The following MCC variants were observed in gnomAD, a reference collection of about 807,000 sequenced individuals.
MCC encodes the protein colorectal mutant cancer protein.
MCC carries 90 observed loss-of-function variants against 116.2 expected under a neutral mutation model. That is an observed-to-expected ratio of 0.77 (90% CI 0.65 to 0.92). The LOEUF (loss-of-function observed/expected upper bound fraction) is 0.92, where lower values mean the gene tolerates loss of function less well. MCC is among the 40% of genes least tolerant of loss of function. The probability of loss-of-function intolerance (pLI) is 0.00; values close to 1 mark genes in which losing one functional copy is unlikely to be tolerated. For synonymous variants in MCC, 578 were observed against 510.5 expected (o/e 1.13, Z -1.78); for missense variants, 1,516 against 1,312.2 (o/e 1.16, Z -2.40).
At chr5:113,125,628 G>T (rs1472239549) in intron 5 of MCC, among the ~76,000 whole-genome samples, 1 of 152,214 alleles carries the variant, frequency 6.6e-6, no homozygotes, top group Non-Finnish European at 1.5e-5. Flanking sequence ...CTCGATTTAT[G>T]ATTGCAGTAT....
intron 2 of MCC, among the ~76,000 whole-genome samples, chr5:113,369,626 T>A (rs1768790396): frequency 6.6e-6 from 1 of 152,216 alleles, no homozygotes; most frequent in Non-Finnish European, 1.5e-5. Context: ...TGTTTGTTGC[T>A]CTTTGGTTGT....
chr5:113,386,083 T>C (rs948725982), intron 1 of MCC, among the ~76,000 whole-genome samples: 3 of 152,216 alleles, frequency 2.0e-5, no homozygotes, highest in African/African-American at 7.2e-5. Context: ...CTTTTCTCTC[T>C]ACCTAACCTC....
intron 7 of MCC, among the ~76,000 whole-genome samples, chr5:113,103,262 C>T (rs568184271): frequency 6.6e-6 from 1 of 152,310 alleles, no homozygotes; most frequent in Admixed American, 6.5e-5. Flanking sequence ...CTGCTTTGTC[C>T]TTCCTTTAAA....
intron 4 of MCC, among the ~76,000 whole-genome samples, chr5:113,146,611 T>G (rs539759910): frequency 1.8e-3 from 271 of 152,122 alleles, no homozygotes; most frequent in Non-Finnish European, 3.1e-3. Context: ...GAATTCAAAG[T>G]CTCTCTAGCT....
At chr5:113,106,110 T>C (rs1177849722) in intron 6 of MCC, among the ~76,000 whole-genome samples, 1 of 151,284 alleles carries the variant, frequency 6.6e-6, no homozygotes, top group East Asian at 1.9e-4. Flanking sequence ...CCTTCCCCTG[T>C]TCACTATGCC....
At chr5:113,201,279 G>A (rs986612123) in intron 3 of MCC, among the ~76,000 whole-genome samples, 4 of 151,858 alleles carry the variant, frequency 2.6e-5, no homozygotes, top group South Asian at 2.1e-4. Context: ...CCAGCTACTC[G>A]GGAGGCTGAA....
intron 3 of MCC, among the ~76,000 whole-genome samples, chr5:113,230,958 G>T (rs1334205473): frequency 6.6e-6 from 1 of 152,120 alleles, no homozygotes; most frequent in East Asian, 1.9e-4. Flanking sequence ...ATTCTAAAGA[G>T]ATGAGCCCGA....
At chr5:113,201,623 T>C (rs1305797418) in intron 3 of MCC, among the ~76,000 whole-genome samples, 1 of 152,198 alleles carries the variant, frequency 6.6e-6, no homozygotes, top group African/African-American at 2.4e-5. Flanking sequence ...TTCCAAACTT[T>C]TATGAAAACT....
At chr5:113,217,528 GT>G (rs1410892660) in intron 3 of MCC, among the ~76,000 whole-genome samples, 1 of 148,720 alleles carries the variant, frequency 6.7e-6, no homozygotes, top group Non-Finnish European at 1.5e-5. Flanking sequence ...AGATACTTGA[GT>G]TTTGTATGCA....
chr5:113,073,287 C>T (rs1202021097), intron 11 of MCC, among the ~76,000 whole-genome samples: 2 of 152,198 alleles, frequency 1.3e-5, no homozygotes, highest in African/African-American at 2.4e-5. Flanking sequence ...CAGCACCACA[C>T]ATGGCGTGCG....
chr5:113,460,320 G>C (rs1466819425), intron 1 of MCC, among the ~76,000 whole-genome samples: 14 of 152,112 alleles, frequency 9.2e-5, no homozygotes, highest in Non-Finnish European at 2.1e-4. Flanking sequence ...TTTTCGGTGG[G>C]GATTTCTCTC....
intron 1 of MCC, among the ~76,000 whole-genome samples, chr5:113,402,040 A>C (rs1381035408): frequency 2.0e-5 from 3 of 151,760 alleles, no homozygotes; most frequent in African/African-American, 7.3e-5. Context: ...CACGCCTGTA[A>C]TCCCAGCACT....
Position 113,438,962 on chromosome 5 carries a change from T to C in MCC, c.170+49283A>G, listed in dbSNP as rs371850886. 1.2e-4 allele frequency among the ~76,000 whole-genome samples: 19 copies of C among 152,306 alleles called. 1 individual carries two copies. In the East Asian group the frequency reaches 2.1e-3, roughly 17 times the overall value. On this transcript the variant is annotated intron_variant, in intron 1 of 18. Coordinates refer to ENST00000408903, the MANE Select transcript of MCC (RefSeq NM_001085377.2). Reference sequence around the variant, plus strand: ...TGCCCAGGAAGGTGTTAGAGCTTCCTTGGGCAGGATCCCCTGGCTGGGAGG... The same window carrying C: ...TGCCCAGGAAGGTGTTAGAGCTTCCCTGGGCAGGATCCCCTGGCTGGGAGG...
intron 1 of MCC, among the ~76,000 whole-genome samples, chr5:113,418,163 G>C (rs1261161026): frequency 1.3e-5 from 2 of 151,848 alleles, no homozygotes; most frequent in Non-Finnish European, 2.9e-5. Context: ...CTTCAGGTAT[G>C]ATCTCAATTT....
chr5:113,362,529 CTTTTTTTT>C, intron 2 of MCC, among the ~76,000 whole-genome samples: 1 of 151,562 alleles, frequency 6.6e-6, no homozygotes, highest in African/African-American at 2.4e-5. Context: ...TTCTTTTTTT[CTTTTTTTT>C]GGGCCACCTT....
intron 3 of MCC, among the ~76,000 whole-genome samples, chr5:113,223,541 G>A (rs532704512): frequency 6.6e-6 from 1 of 152,256 alleles, no homozygotes; most frequent in East Asian, 1.9e-4. Context: ...AGACAGGGCA[G>A]GAGATCCAAC....
At chr5:113,298,041 G>T (rs972325049) in intron 3 of MCC, among the ~76,000 whole-genome samples, 1 of 152,164 alleles carries the variant, frequency 6.6e-6, no homozygotes, top group Non-Finnish European at 1.5e-5. Flanking sequence ...AGATAAGTCA[G>T]GGTTGAGCTG....
chr5:113,208,028 G>T (rs550426865), intron 3 of MCC, among the ~76,000 whole-genome samples: 2 of 152,102 alleles, frequency 1.3e-5, no homozygotes, highest in Non-Finnish European at 2.9e-5. Context: ...GTCAAAGGTA[G>T]CACAGATAAT....
At chr5:113,088,411 C>G (rs777024819) in intron 8 of MCC, among the ~76,000 whole-genome samples, 29 of 151,498 alleles carry the variant, frequency 1.9e-4, no homozygotes, top group Non-Finnish European at 3.2e-4. Flanking sequence ...TGGATTATGT[C>G]TCCCCCAAAA....
Sources: gnomAD v4.1 joint callset for allele counts (sites outside exome capture counted in the v4.1 genomes callset) on GRCh38, gnomAD v4.1.1 for gene constraint, MANE v1.5 for transcripts, NCBI Gene and HGNC (gene_info 2026-07-23, HGNC 2026-07-21) for gene names.